CSMD1: variants seen among roughly 807,000 people sequenced by gnomAD.
CSMD1 encodes CUB and sushi domain-containing protein 1.
Under a neutral mutation model 417.5 loss-of-function variants are expected in CSMD1, and 213 were observed. The ratio of observed to expected loss-of-function variants is 0.51; its 90% CI spans 0.46 to 0.57. The LOEUF (loss-of-function observed/expected upper bound fraction) is 0.57, where lower values mean the gene tolerates loss of function less well. Ranked by LOEUF, CSMD1 falls within the 20% of genes least tolerant of loss-of-function variation. The probability of loss-of-function intolerance (pLI) is 0.00; values close to 1 mark genes in which losing one functional copy is unlikely to be tolerated. For missense variants in CSMD1, 6,923 were observed against 4,529.7 expected, an observed-to-expected ratio of 1.53 and a Z score of -15.17; for synonymous variants, 2,862 against 1,736.8, an observed-to-expected ratio of 1.65 and a Z score of -16.11.
intron 7 of CSMD1, among the ~76,000 whole-genome samples, chr8:3,695,460 A>C (rs1175802604): frequency 6.6e-6 from 1 of 152,206 alleles, no homozygotes; most frequent in Admixed American, 6.5e-5. Context: ...ATATAAAATC[A>C]TGAGAAATAC....
intron 39 of CSMD1, among the ~76,000 whole-genome samples, chr8:3,154,506 G>A (rs1440158473): frequency 5.9e-5 from 9 of 152,140 alleles, no homozygotes; most frequent in Admixed American, 6.5e-5. Context: ...ATATTTTACT[G>A]GATTTATACA....
intron 36 of CSMD1, 66 bp from the exon 37 acceptor site, chr8:3,181,280 A>AACG: frequency 9.5e-7 from 1 of 1,056,374 alleles, no homozygotes; most frequent in South Asian, 1.4e-5. Flanking sequence ...AATATAAAAC[A>AACG]TATGAGAATA....
chr8:4,294,203 C>T (rs952162462), intron 3 of CSMD1, among the ~76,000 whole-genome samples: 1 of 152,188 alleles, frequency 6.6e-6, no homozygotes, highest in Non-Finnish European at 1.5e-5. Context: ...ATTTCAGGGA[C>T]ACCAAAATGC....
chr8:4,902,948 TATA>T (rs1296275311), intron 1 of CSMD1, among the ~76,000 whole-genome samples: 53 of 148,610 alleles, frequency 3.6e-4, no homozygotes, highest in African/African-American at 1.0e-3. Context: ...TCATTTTATA[TATA>T]ATAATAAACT....
chr8:3,883,223 G>A (rs1032590425), intron 5 of CSMD1, among the ~76,000 whole-genome samples: 15 of 152,112 alleles, frequency 9.9e-5, no homozygotes, highest in African/African-American at 3.6e-4. Context: ...GTCCTTGAAT[G>A]ATTCATTTGA....
chr8:3,706,675 C>A (rs17326670), intron 7 of CSMD1, among the ~76,000 whole-genome samples: 57,895 of 151,746 alleles, frequency 0.38, 11,425 homozygotes, highest in East Asian at 0.55. Flanking sequence ...GGATATCCAA[C>A]CTGATATTGA....
chr8:3,443,708 T>C (rs1815134022), intron 12 of CSMD1, among the ~76,000 whole-genome samples: 1 of 152,216 alleles, frequency 6.6e-6, no homozygotes, highest in Admixed American at 6.5e-5. Context: ...CTAAAATGTT[T>C]AAAGAAGTAA....
chr8:4,992,753 A>C (rs1402086151), intron 1 of CSMD1, among the ~76,000 whole-genome samples: 1 of 152,196 alleles, frequency 6.6e-6, no homozygotes, highest in Non-Finnish European at 1.5e-5. Context: ...GCAATGTCAG[A>C]GGCACCGGCC....
intron 3 of CSMD1, among the ~76,000 whole-genome samples, chr8:4,188,580 G>A (rs1356780879): frequency 2.0e-5 from 3 of 151,992 alleles, no homozygotes; most frequent in African/African-American, 4.8e-5. Context: ...GTCAACTGAC[G>A]CGCCCTACAG....
intron 1 of CSMD1, among the ~76,000 whole-genome samples, chr8:4,874,388 ATT>A (rs3038302): frequency 5.2e-5 from 7 of 133,516 alleles, no homozygotes; most frequent in African/African-American, 1.1e-4. Context: ...ATCCGATTGT[ATT>A]TTTTTTTTTT....
intron 2 of CSMD1, among the ~76,000 whole-genome samples, chr8:4,453,437 G>C (rs1163243940): frequency 6.6e-6 from 1 of 152,162 alleles, no homozygotes; most frequent in East Asian, 1.9e-4. Context: ...TTAGTCACCC[G>C]TGTGTTGGTG....
intron 2 of CSMD1, among the ~76,000 whole-genome samples, chr8:4,506,115 AG>A (rs1802512987): frequency 6.6e-6 from 1 of 152,214 alleles, no homozygotes; most frequent in Non-Finnish European, 1.5e-5. Context: ...TCTTTCTAGG[AG>A]TTGCCAACAG....
At chr8:4,825,908 C>A (rs1225299005) in intron 1 of CSMD1, among the ~76,000 whole-genome samples, 1 of 151,552 alleles carries the variant, frequency 6.6e-6, no homozygotes, top group African/African-American at 2.4e-5. Context: ...CACTGCGAAC[C>A]AAGAAAATGC....
At chr8:3,468,213 T>C (rs1341841333) in intron 12 of CSMD1, among the ~76,000 whole-genome samples, 1 of 152,196 alleles carries the variant, frequency 6.6e-6, no homozygotes, top group Admixed American at 6.5e-5. Context: ...GGTTCAGAAA[T>C]TGTTTGCATT....
chr8:3,430,545 A>T (rs1814149179), intron 12 of CSMD1, among the ~76,000 whole-genome samples: 1 of 152,208 alleles, frequency 6.6e-6, no homozygotes, highest in African/African-American at 2.4e-5. Flanking sequence ...AGTGGCTTAC[A>T]ACTGTAATCT....
chr8:4,095,980 C>A (rs1205211371), intron 3 of CSMD1, among the ~76,000 whole-genome samples: 1 of 152,050 alleles, frequency 6.6e-6, no homozygotes, highest in African/African-American at 2.4e-5. Flanking sequence ...TATTTCTTAA[C>A]CAAAAACCCA....
rs548236099 is a variant in CSMD1, at chr8:3,872,204, C to T, written c.819-118162G>A. ...ACAGTGTTTAATGGAAATGTGAGAT[C>T]GTATACTTCATTCTGGTTGTTGTCG... On this transcript the variant is annotated intron_variant, in intron 5 of 69. Transcript: ENST00000635120. Among the ~76,000 whole-genome samples, 335 of 152,182 alleles carry T rather than the reference C, an allele frequency of 2.2e-3. 2 individuals are homozygous for T. Among genetic ancestry groups the T allele is most frequent in the Non-Finnish European group, 3.7e-3 (254 of 68,016 alleles).
chr8:3,567,503 A>G (rs1024808103), intron 10 of CSMD1, among the ~76,000 whole-genome samples: 7 of 140,078 alleles, frequency 5.0e-5, no homozygotes, highest in African/African-American at 1.8e-4. Context: ...GAAAGGAAGG[A>G]AGGGAGGGGA....
intron 2 of CSMD1, among the ~76,000 whole-genome samples, chr8:4,532,112 TC>T (rs1796849960): frequency 1.5e-5 from 2 of 137,438 alleles, no homozygotes; most frequent in Non-Finnish European, 3.0e-5. Context: ...GCACCGCCAT[TC>T]ACAGTCACTC....
Sources: allele counts gnomAD v4.1 joint callset (sites outside exome capture counted in the v4.1 genomes callset), GRCh38; gene constraint gnomAD v4.1.1; transcripts MANE v1.5; gene names NCBI Gene and HGNC (gene_info 2026-07-23, HGNC 2026-07-21).